Variants in COP1 observed in about 807,000 individuals in gnomAD.
COP1 encodes E3 ubiquitin-protein ligase COP1.
A neutral mutation model predicts 101.3 loss-of-function variants in COP1; 24 were observed. The ratio of observed to expected loss-of-function variants is 0.24; its 90% CI spans 0.17 to 0.33. The LOEUF is 0.33. COP1 is among the 10% of genes least tolerant of loss of function. COP1 has a pLI of 1.00. For missense variants in COP1, 663 were observed against 906.2 expected, an observed-to-expected ratio of 0.73 and a Z score of 3.45; for synonymous variants, 347 against 341.9, an observed-to-expected ratio of 1.01 and a Z score of -0.17.
intron 9 of COP1, among the ~76,000 whole-genome samples, chr1:176,112,974 A>G (rs1054443161): frequency 1.3e-5 from 2 of 152,184 alleles, no homozygotes; most frequent in African/African-American, 4.8e-5. Context: ...GCTGATGGAC[A>G]CTTAGGTTGA....
At chr1:176,152,170 G>C (rs1219410672) in intron 5 of COP1, among the ~76,000 whole-genome samples, 1 of 151,868 alleles carries the variant, frequency 6.6e-6, no homozygotes. Flanking sequence ...ATGTGCCTAC[G>C]GTCCCAGCTA....
intron 11 of COP1, among the ~76,000 whole-genome samples, chr1:176,058,268 A>G (rs1040846747): frequency 3.0e-4 from 45 of 152,090 alleles, no homozygotes; most frequent in African/African-American, 9.6e-4. Flanking sequence ...TGGGAGGTGT[A>G]CCCAACAGCT....
At chr1:176,172,843 G>A (rs767148365) in intron 3 of COP1, among the ~76,000 whole-genome samples, 10 of 152,206 alleles carry the variant, frequency 6.6e-5, no homozygotes, top group Non-Finnish European at 1.5e-4. Context: ...TACACACCTA[G>A]TGTAAGACCT....
chr1:176,084,539 T>C (rs1445233824), intron 10 of COP1, among the ~76,000 whole-genome samples: 1 of 152,048 alleles, frequency 6.6e-6, no homozygotes, highest in Non-Finnish European at 1.5e-5. Flanking sequence ...GAGCCCACAT[T>C]GCCAAGAGAA....
At chr1:175,976,750 A>G (rs546228265) in intron 18 of COP1, among the ~76,000 whole-genome samples, 90 of 152,224 alleles carry the variant, frequency 5.9e-4, no homozygotes, top group Non-Finnish European at 9.6e-4. Flanking sequence ...TGGCTGCTAC[A>G]AAAAAGAATT....
At chr1:175,954,941 T>A (rs1412974067) in intron 18 of COP1, among the ~76,000 whole-genome samples, 1 of 152,076 alleles carries the variant, frequency 6.6e-6, no homozygotes, top group African/African-American at 2.4e-5. Flanking sequence ...TATATATATA[T>A]AATTCACTAT....
intron 9 of COP1, among the ~76,000 whole-genome samples, chr1:176,109,466 GCTT>G (rs946203671): frequency 5.3e-5 from 8 of 151,760 alleles, no homozygotes; most frequent in Admixed American, 5.2e-4. Context: ...TTTTTATTCT[GCTT>G]CTTTTGTTAC....
chr1:176,204,990 G>T (rs1032787972), intron 1 of COP1, among the ~76,000 whole-genome samples: 1 of 152,144 alleles, frequency 6.6e-6, no homozygotes, highest in East Asian at 1.9e-4. Context: ...AGCCTGCAGT[G>T]CACTGAACTT....
At chr1:176,092,916 A>G (rs1681593120) in intron 9 of COP1, among the ~76,000 whole-genome samples, 1 of 152,226 alleles carries the variant, frequency 6.6e-6, no homozygotes, top group African/African-American at 2.4e-5. Context: ...CTTAATAGCA[A>G]GAACAACAAA....
intron 14 of COP1, among the ~76,000 whole-genome samples, chr1:176,042,532 C>T (rs1670776482): frequency 1.4e-5 from 2 of 141,424 alleles, no homozygotes; most frequent in African/African-American, 2.7e-5. Flanking sequence ...CACTGCACTC[C>T]AGCCTGGGCA....
chr1:175,950,100 C>T (rs1419303187), intron 18 of COP1, among the ~76,000 whole-genome samples: 1 of 151,956 alleles, frequency 6.6e-6, no homozygotes, highest in African/African-American at 2.4e-5. Context: ...TAAACACTGT[C>T]TTACTGTAAC....
At chr1:176,085,282 A>G (rs1328689493) in intron 10 of COP1, among the ~76,000 whole-genome samples, 3 of 151,692 alleles carry the variant, frequency 2.0e-5, no homozygotes, top group Admixed American at 6.6e-5. Context: ...TATCAGTTGT[A>G]TTAGTGGATA....
At chr1:176,009,667 A>C (rs1012471709) in intron 15 of COP1, among the ~76,000 whole-genome samples, 2 of 152,148 alleles carry the variant, frequency 1.3e-5, no homozygotes, top group African/African-American at 2.4e-5. Flanking sequence ...TTTCAGCAAA[A>C]TTATACCAGT....
At chr1:176,175,297 G>T (rs1572689677) in intron 3 of COP1, among the ~76,000 whole-genome samples, 1 of 152,168 alleles carries the variant, frequency 6.6e-6, no homozygotes, top group Admixed American at 6.5e-5. Context: ...GTTCAGAACT[G>T]CTGCCATTTT....
intron 18 of COP1, among the ~76,000 whole-genome samples, chr1:175,967,445 C>T (rs1276359086): frequency 2.0e-5 from 3 of 152,110 alleles, no homozygotes; most frequent in African/African-American, 7.2e-5. Context: ...GAGATTATGC[C>T]ACTGCACTCC....
At chr1:176,145,224 A>G (rs1247503010) in intron 6 of COP1, among the ~76,000 whole-genome samples, 1 of 152,124 alleles carries the variant, frequency 6.6e-6, no homozygotes, top group Non-Finnish European at 1.5e-5. Context: ...AAAAAACCCA[A>G]ATGGCCAATC....
chr1:175,987,061 G>GA lies in COP1; in HGVS notation c.2014dup (p.Ser672PhefsTer2). The GA allele has an allele frequency of 6.3e-7, 1 of 1,583,524 alleles. No homozygotes were observed. Among genetic ancestry groups the GA allele is most frequent in the Non-Finnish European group, 8.7e-7 (1 of 1,154,354 alleles). The stretch of plus-strand genomic sequence containing the variant: ...AAACTTAAAAGTTAGCAAAGTCTTA[G>GA]AAAGTCCTTTATAGTACAGGTAGAG... On this transcript the variant is annotated frameshift_variant, in exon 18 of 20. Transcript: ENST00000367669. LOFTEE classifies it high-confidence loss of function.
intron 15 of COP1, among the ~76,000 whole-genome samples, chr1:176,002,036 C>T (rs1226606481): frequency 2.0e-5 from 3 of 152,048 alleles, no homozygotes; most frequent in Admixed American, 6.6e-5. Context: ...ATTCTCTTCC[C>T]GCCTTTCAAG....
chr1:175,969,387 T>C (rs947982552), intron 18 of COP1, among the ~76,000 whole-genome samples: 4 of 152,252 alleles, frequency 2.6e-5, no homozygotes, highest in Middle Eastern at 3.4e-3. Flanking sequence ...AAGAATTCTC[T>C]GCCCTTCCAC....
Sources: gnomAD v4.1 joint callset for allele counts (sites outside exome capture counted in the v4.1 genomes callset) on GRCh38, gnomAD v4.1.1 for gene constraint, MANE v1.5 for transcripts, NCBI Gene and HGNC (gene_info 2026-07-23, HGNC 2026-07-21) for gene names.